CAMTA1: variants seen among roughly 807,000 people sequenced by gnomAD.
CAMTA1 encodes calmodulin-binding transcription activator 1.
CAMTA1 carries 27 observed loss-of-function variants against 170.9 expected under a neutral mutation model. That is an observed-to-expected ratio of 0.16 (90% CI 0.12 to 0.22). The LOEUF (loss-of-function observed/expected upper bound fraction) is 0.22, where lower values mean the gene tolerates loss of function less well. CAMTA1 is among the 10% of genes least tolerant of loss of function. The probability of loss-of-function intolerance (pLI) is 1.00; values close to 1 mark genes in which losing one functional copy is unlikely to be tolerated. For synonymous variants in CAMTA1, 833 were observed against 891.5 expected, an observed-to-expected ratio of 0.93 and a Z score of 1.17; for missense variants, 1,619 against 2,217.2, an observed-to-expected ratio of 0.73 and a Z score of 5.42.
At chr1:7,335,231 C>T (rs1315626579) in intron 5 of CAMTA1, among the ~76,000 whole-genome samples, 3 of 133,310 alleles carry the variant, frequency 2.3e-5, no homozygotes, top group Non-Finnish European at 4.8e-5. Context: ...CAAGTTCCCA[C>T]CAAGTTTTCA....
intron 3 of CAMTA1, among the ~76,000 whole-genome samples, chr1:6,985,163 G>C: frequency 6.6e-6 from 1 of 152,150 alleles, no homozygotes. Context: ...GAGTGTAGGG[G>C]GCGTGGGGCT....
Position 7,677,721 on chromosome 1 carries a change from C to T in CAMTA1, c.2902C>T (p.Leu968=), listed in dbSNP as rs1338283971. The T allele has an allele frequency of 1.9e-6, 3 of 1,613,808 alleles. No homozygotes were observed. The South Asian group carries it at 3.3e-5, about 18-fold the overall frequency. ...GCTCCCTTCCTCCCAGCACGACTGG[C>T]TGTCGTTGGACGGTAAGAACAGTGC... is the stretch of plus-strand genomic sequence containing the variant. The part of the protein sequence containing the change: ...PTLPSSQHDW[L]SLDDNQFRMS... Residue 968 remains leucine (L), a synonymous_variant, in exon 11 of 23, where the codon CTG becomes TTG. Coordinates refer to ENST00000303635, the MANE Select transcript of CAMTA1 (RefSeq NM_015215.4).
At chr1:7,236,321 C>T (rs1663848052) in intron 4 of CAMTA1, among the ~76,000 whole-genome samples, 1 of 152,208 alleles carries the variant, frequency 6.6e-6, no homozygotes, top group African/African-American at 2.4e-5. Context: ...GGAGACGTTC[C>T]TTCATCGCAC....
chr1:7,135,906 A>G (rs1371616763), intron 4 of CAMTA1, among the ~76,000 whole-genome samples: 1 of 152,162 alleles, frequency 6.6e-6, no homozygotes, highest in Non-Finnish European at 1.5e-5. Flanking sequence ...TAACCCAATA[A>G]AAGATGATTT....
At chr1:7,591,149 AC>A (rs1330963850) in intron 6 of CAMTA1, among the ~76,000 whole-genome samples, 1 of 152,140 alleles carries the variant, frequency 6.6e-6, no homozygotes, top group Non-Finnish European at 1.5e-5. Context: ...GCTGCAGCAA[AC>A]CCTAACCCAC....
intron 5 of CAMTA1, among the ~76,000 whole-genome samples, chr1:7,417,396 AGGC>A (rs2091258417): frequency 6.6e-6 from 1 of 152,380 alleles, no homozygotes; most frequent in South Asian, 2.1e-4. Context: ...AGAGGCAGGC[AGGC>A]CCTCTTGAGC....
intron 4 of CAMTA1, among the ~76,000 whole-genome samples, chr1:7,181,014 C>T (rs968612559): frequency 9.9e-5 from 15 of 152,224 alleles, no homozygotes; most frequent in South Asian, 2.1e-4. Flanking sequence ...ACAAATTATT[C>T]GTAAACTAAC....
chr1:7,484,979 A>G (rs1001972383), intron 6 of CAMTA1, among the ~76,000 whole-genome samples: 1 of 152,106 alleles, frequency 6.6e-6, no homozygotes, highest in Non-Finnish European at 1.5e-5. Flanking sequence ...ATTCACAGCC[A>G]AAGACCTTGG....
chr1:7,750,826 TGTTA>T, intron 19 of CAMTA1: 1 of 268,138 alleles, frequency 3.7e-6, no homozygotes, highest in South Asian at 3.7e-5. Context: ...AAAAAAATTA[TGTTA>T]GTGTTTCAAA....
intron 4 of CAMTA1, among the ~76,000 whole-genome samples, chr1:7,246,733 C>T (rs1665873031): frequency 7.1e-6 from 1 of 140,508 alleles, no homozygotes; most frequent in Non-Finnish European, 1.5e-5. Context: ...GTGGCACGAT[C>T]TCAGCTCACT....
At chr1:7,501,092 C>T (rs1750851) in intron 6 of CAMTA1, among the ~76,000 whole-genome samples, 74,824 of 151,928 alleles carry the variant, frequency 0.49, 18,847 homozygotes, top group African/African-American at 0.58. Context: ...CGCCACCCCT[C>T]GTCCTTGACA....
At chr1:7,213,591 T>G (rs1364746700) in intron 4 of CAMTA1, among the ~76,000 whole-genome samples, 3 of 120,358 alleles carry the variant, frequency 2.5e-5, no homozygotes, top group African/African-American at 1.1e-4. Flanking sequence ...AGCAAATATT[T>G]TTTTTCTTTT....
intron 5 of CAMTA1, among the ~76,000 whole-genome samples, chr1:7,447,316 G>A (rs911217690): frequency 2.0e-5 from 3 of 151,888 alleles, no homozygotes; most frequent in Admixed American, 6.6e-5. Context: ...CACGTGGCAC[G>A]CATGGATGGC....
intron 1 of CAMTA1, among the ~76,000 whole-genome samples, chr1:6,790,094 G>A (rs1640628491): frequency 6.6e-6 from 1 of 152,066 alleles, no homozygotes; most frequent in Non-Finnish European, 1.5e-5. Flanking sequence ...CTCCCAAAGT[G>A]CTGGGATTAC....
At position 7,664,961 on chromosome 1, in the gene CAMTA1, A is replaced by G. The variant is rs2149166088; in HGVS notation, c.2414A>G (p.Gln805Arg). 1 of 1,612,830 alleles carries G rather than the reference A, an allele frequency of 6.2e-7. No homozygotes were observed. Among genetic ancestry groups the G allele is most frequent in the African/African-American group, 1.3e-5 (1 of 75,056 alleles). The change falls in exon 9 of 23, where the codon CAG (glutamine) becomes CGG (arginine). Residue 805 changes from glutamine (Q) to arginine (R), a missense_variant. By Grantham distance (43) the Gln-to-Arg change is conservative. Transcript: ENST00000303635. ...LVSGDSTALS[Q>R]SEDGARAPFT... ...TCGGGGGACAGCACGGCGCTCTCAC[A>G]GTCAGAGGACGGGGCGCGGGCCCCC... is the stretch of plus-strand genomic sequence containing the variant.
chr1:7,476,627 C>T (rs769778273), intron 6 of CAMTA1, among the ~76,000 whole-genome samples: 12 of 152,150 alleles, frequency 7.9e-5, no homozygotes, highest in Admixed American at 1.3e-4. Flanking sequence ...GTCCCAGCAC[C>T]GGTGCCAGCC....
intron 5 of CAMTA1, among the ~76,000 whole-genome samples, chr1:7,466,022 C>T (rs1041244836): frequency 2.0e-5 from 3 of 152,220 alleles, no homozygotes; most frequent in African/African-American, 7.2e-5. Context: ...CCGTTGATAT[C>T]TCCCTCCATT....
Position 7,311,754 on chromosome 1 carries a change from G to A in CAMTA1, c.438+62128G>A, listed in dbSNP as rs143858284. Among the ~76,000 whole-genome samples the A allele has an allele frequency of 3.7e-3, 568 of 152,246 alleles. 8 individuals are homozygous for A. The highest frequency in any genetic ancestry group is 0.025 in the Admixed American group (375 of 15,302). On this transcript the variant is annotated intron_variant, in intron 5 of 22. Coordinates refer to ENST00000303635, the MANE Select transcript of CAMTA1 (RefSeq NM_015215.4). The stretch of plus-strand genomic sequence containing the variant: ...AGGTAATCCAGCCAGGTGGGTTCAG[G>A]CTGCAGGTTTCAGCCTGAACTTTTG...
intron 3 of CAMTA1, among the ~76,000 whole-genome samples, chr1:6,939,556 C>T (rs1217549323): frequency 3.3e-5 from 5 of 152,228 alleles, no homozygotes; most frequent in Non-Finnish European, 5.9e-5. Context: ...ACCTGTCCTC[C>T]TGCCATGGCC....
Sources: allele counts gnomAD v4.1 joint callset (sites outside exome capture counted in the v4.1 genomes callset), GRCh38; gene constraint gnomAD v4.1.1; transcripts MANE v1.5; gene names NCBI Gene and HGNC (gene_info 2026-07-23, HGNC 2026-07-21).